Variants in KMT2A observed in about 807,000 individuals in gnomAD.
KMT2A encodes histone-lysine N-methyltransferase 2A.
A neutral mutation model predicts 345.3 loss-of-function variants in KMT2A; 16 were observed. The observed-to-expected ratio is 0.05, with a 90% CI of 0.03 to 0.07. The LOEUF is 0.07. KMT2A is among the 10% of genes least tolerant of loss of function. The probability of loss-of-function intolerance (pLI) is 1.00; values close to 1 mark genes in which losing one functional copy is unlikely to be tolerated. For missense variants in KMT2A, 3,272 were observed against 4,841.6 expected (o/e 0.68, Z 9.62); for synonymous variants, 1,599 against 1,778.6 (o/e 0.90, Z 2.54).
At position 118,506,627 on chromosome 11, in the gene KMT2A, T is replaced by A. The variant is rs972111260; in HGVS notation, c.10735T>A (p.Ser3579Thr). 6.2e-7 allele frequency: 1 copy of A among 1,603,218 alleles called. No individual in the cohort carries two copies. Among genetic ancestry groups the A allele is most frequent in the Non-Finnish European group, 8.5e-7 (1 of 1,173,378 alleles). ...ACACATTCCAGACCAAGAAACGACA[T>A]CCCTGACCTCAGGCACAGGGTGAGA... ...EAHIPDQETTSLTSGTGTPGA... is the reference protein window; with the variant it reads ...EAHIPDQETTTLTSGTGTPGA... Residue 3579 changes from serine (S) to threonine (T), a missense_variant, in exon 27 of 36, where the codon TCC becomes ACC. By Grantham distance (58) the Ser-to-Thr change is moderately conservative. This residue lies in a region of KMT2A where 748 missense variants were observed against 922.2 expected (regional missense o/e 0.81). Coordinates refer to ENST00000534358, the MANE Select transcript of KMT2A (RefSeq NM_001197104.2).
chr11:118,468,700 T>C, intron 1 of KMT2A, 75 bp from the exon 2 acceptor site: 1 of 1,127,792 alleles, frequency 8.9e-7, no homozygotes, highest in East Asian at 2.4e-5. Flanking sequence ...TTGTGTCTCC[T>C]CTGGGCATTT....
intron 1 of KMT2A, chr11:118,438,986 T>C (rs1555139470): frequency 2.1e-6 from 1 of 469,144 alleles, no homozygotes; most frequent in South Asian, 1.5e-5. Flanking sequence ...CTGTAGATTA[T>C]TATTTTTTTT....
chr11:118,500,916 G>A, intron 24 of KMT2A, 71 bp from the exon 25 acceptor site: 4 of 1,248,268 alleles, frequency 3.2e-6, no homozygotes, highest in East Asian at 2.3e-5. Flanking sequence ...GATAAAGAGA[G>A]GTTTTGAAAA....
rs1250028269 is a variant in KMT2A at position 118,475,646 on chromosome 11, C to T, written c.3157-1159C>T. On this transcript the variant is annotated intron_variant, in intron 3 of 35. Transcript: ENST00000534358. ...GCTGAGGCAGGAGAATCGCTTGAAC[C>T]CGGGAGGCGGAGGTTGCAGTGAGCC... is the stretch of plus-strand genomic sequence containing the variant. Among the ~76,000 whole-genome samples the T allele has an allele frequency of 3.3e-5, 5 of 152,096 alleles. 1 individual carries two copies. Among genetic ancestry groups the T allele is most frequent in the African/African-American group, 1.2e-4 (5 of 41,422 alleles).
chr11:118,513,369 A>G (rs1950731310), intron 31 of KMT2A, among the ~76,000 whole-genome samples: 1 of 152,100 alleles, frequency 6.6e-6, no homozygotes, highest in Non-Finnish European at 1.5e-5. Context: ...AGGTGGGTGA[A>G]TGGGTACTTA....
In KMT2A at chr11:118,494,520, AT is replaced by A. The variant is rs1375840248; in HGVS notation, c.5289+125del. On this transcript the variant is annotated intron_variant, in intron 17 of 35. Transcript: ENST00000534358. This position sits in a 1 kb window ranked among gnomAD's most constrained non-coding sequence, Gnocchi z 5.8. ...GTGTGTATAAAACATCTTTGGTTTA[AT>A]TTGATCCCCTGATTCTTTGAGAGGA... 1.1e-5 allele frequency: 9 copies of A among 819,340 alleles called. No homozygotes were observed. Among genetic ancestry groups the A allele is most frequent in the Non-Finnish European group, 1.6e-5 (8 of 506,578 alleles). The allele number at this position is 819,340 out of a possible 1,614,324, so 50.8% of individuals were successfully genotyped here. A position where few individuals can be genotyped will look rare whatever the true frequency, so the allele number is the denominator to read the frequency against.
At chr11:118,488,577 T>A (rs782504650) in intron 10 of KMT2A, 37 bp from the exon 11 acceptor site, 2 of 1,608,250 alleles carry the variant, frequency 1.2e-6, no homozygotes, top group South Asian at 1.1e-5. Context: ...CTACATATTA[T>A]TTGACATACT....
Position 118,502,005 on chromosome 11 carries a change from C to CA in KMT2A, c.6505+149dup. 1 of 684,864 alleles carries CA rather than the reference C, an allele frequency of 1.5e-6. No individual in the cohort carries two copies. Among genetic ancestry groups the CA allele is most frequent in the South Asian group, 2.1e-5 (1 of 46,892 alleles). The allele number at this position is 684,864 out of a possible 1,614,324, so 42.4% of individuals were successfully genotyped here. On this transcript the variant is annotated intron_variant, in intron 26 of 35. Transcript: ENST00000534358. This position sits in a 1 kb window ranked among gnomAD's most constrained non-coding sequence, Gnocchi z 4.9. ...AGGTGGCTCATGCCTGTAATCCTAGCACTTTGGGAGGCCAGGGCAGGTGGA... is the reference window on the plus strand; with the variant it reads ...AGGTGGCTCATGCCTGTAATCCTAGCAACTTTGGGAGGCCAGGGCAGGTGGA...
intron 1 of KMT2A, among the ~76,000 whole-genome samples, chr11:118,462,399 T>C (rs1949762340): frequency 6.6e-6 from 1 of 152,204 alleles, no homozygotes; most frequent in South Asian, 2.1e-4. Flanking sequence ...TGGAGCTCTT[T>C]AACATAACAA....
chr11:118,506,210 A>C lies in KMT2A; in HGVS notation c.10318A>C (p.Ile3440Leu). The C allele has an allele frequency of 6.2e-7, 1 of 1,614,190 alleles. No homozygotes were observed. Among genetic ancestry groups the C allele is most frequent in the Non-Finnish European group, 8.5e-7 (1 of 1,180,030 alleles). ...CVLPSTQTTG[I>L]TAASPSGEAD... Reference sequence around the variant, plus strand: ...GCTCCCCTCCACTCAGACTACGGGCATAACAGCCGCTTCACCTTCTGGGGA... The same window carrying C: ...GCTCCCCTCCACTCAGACTACGGGCCTAACAGCCGCTTCACCTTCTGGGGA... The change falls in exon 27 of 36, where the codon ATA becomes CTA. Residue 3440 changes from isoleucine to leucine, a missense_variant. By Grantham distance (5) the Ile-to-Leu change is conservative (BLOSUM62 2). Transcript: ENST00000534358.
Position 118,493,248 on chromosome 11 carries a change from G to A in KMT2A, c.5178+18G>A. On this transcript the variant is annotated intron_variant, in intron 16 of 35. Coordinates refer to ENST00000534358, the MANE Select transcript of KMT2A (RefSeq NM_001197104.2). This position sits in a 1 kb window ranked among gnomAD's most constrained non-coding sequence, Gnocchi z 5.8. ...CATCTGTGGTATGTTTCTACAGTGA[G>A]CCATCAGAATTTCTAGTGCCAATAA... The A allele has an allele frequency of 6.2e-7, 1 of 1,602,306 alleles. No individual in the cohort carries two copies. The highest frequency in any genetic ancestry group is 1.1e-5 in the South Asian group (1 of 89,032).
intron 5 of KMT2A, among the ~76,000 whole-genome samples, chr11:118,479,903 G>A (rs1269270146): frequency 3.3e-5 from 5 of 152,130 alleles, no homozygotes; most frequent in African/African-American, 9.7e-5. Context: ...TTTCTGTGTG[G>A]TGCTAGTCAG....
chr11:118,491,391 A>G lies in KMT2A; in HGVS notation c.4819+73A>G. 1.4e-6 allele frequency: 2 copies of G among 1,405,176 alleles called. No individual in the cohort carries two copies. The highest frequency in any genetic ancestry group is 1.9e-6 in the Non-Finnish European group (2 of 1,030,498). 87.0% of individuals were successfully genotyped at this position (1,405,176 alleles called of 1,614,324 possible). A position where few individuals can be genotyped will look rare whatever the true frequency, so the allele number is the denominator to read the frequency against. Reference sequence around the variant, plus strand: ...TTTATTAGCCTCTAGAGCACTTTAAACCTAAAATTATGGTTGTGTTGTTAT... The same window carrying G: ...TTTATTAGCCTCTAGAGCACTTTAAGCCTAAAATTATGGTTGTGTTGTTAT... On this transcript the variant is annotated intron_variant, in intron 14 of 35. Coordinates refer to ENST00000534358, the MANE Select transcript of KMT2A (RefSeq NM_001197104.2). This position sits in a 1 kb window ranked among gnomAD's most constrained non-coding sequence, Gnocchi z 4.2.
rs782278331 is a variant in KMT2A at position 118,436,508 on chromosome 11, C to T, written c.-5C>T. 2 of 1,262,042 alleles carry T rather than the reference C, an allele frequency of 1.6e-6. No homozygotes were observed. The highest frequency in any genetic ancestry group is 2.0e-6 in the Non-Finnish European group (2 of 992,798). 78.2% of individuals were successfully genotyped at this position (1,262,042 alleles called of 1,614,324 possible). On this transcript the variant is annotated 5_prime_UTR_variant, in exon 1 of 36. Transcript: ENST00000534358. This position sits in a 1 kb window ranked among gnomAD's most constrained non-coding sequence, Gnocchi z 6.9. Reference sequence around the variant, plus strand: ...CCTCTCGCTGCTTCACTTCACGGGGCGAACATGGCGCACAGCTGTCGGTGG... The same window carrying T: ...CCTCTCGCTGCTTCACTTCACGGGGTGAACATGGCGCACAGCTGTCGGTGG...
chr11:118,485,771 A>T (rs868940152), intron 10 of KMT2A, among the ~76,000 whole-genome samples: 1 of 152,204 alleles, frequency 6.6e-6, no homozygotes. Flanking sequence ...ATCTATAGGG[A>T]GCATGGGTTA....
chr11:118,468,652 T>C lies in KMT2A; in HGVS notation c.433-123T>C, dbSNP rs1266618376. The C allele has an allele frequency of 8.5e-6, 6 of 706,754 alleles. No individual in the cohort carries two copies. In the East Asian group the frequency reaches 1.1e-4, roughly 13 times the overall value. The allele number at this position is 706,754 out of a possible 1,614,324, so 43.8% of individuals were successfully genotyped here. ...TATTTTATAGTATCCATTGGAATGA[T>C]GATAATTAATATATAAAGGCAACTT... On this transcript the variant is annotated intron_variant, in intron 1 of 35. Coordinates refer to ENST00000534358, the MANE Select transcript of KMT2A (RefSeq NM_001197104.2).
chr11:118,439,158 C>CAAAAAAAAAAAAAAGA, intron 1 of KMT2A: 7 of 265,444 alleles, frequency 2.6e-5, no homozygotes, highest in Admixed American at 5.3e-5. Context: ...GATACAGCAG[C>CAAAAAAAAAAAAAAGA]AAAAAAAAAA....
intron 1 of KMT2A, among the ~76,000 whole-genome samples, chr11:118,467,213 C>T (rs1949860082): frequency 6.6e-6 from 1 of 151,888 alleles, no homozygotes; most frequent in Non-Finnish European, 1.5e-5. Context: ...CCTGTCTCTA[C>T]TAAAAATACA....
chr11:118,502,538 A>G lies in KMT2A; in HGVS notation c.6646A>G (p.Met2216Val), dbSNP rs527501404. The G allele has an allele frequency of 2.4e-5, 38 of 1,614,150 alleles. No individual in the cohort carries two copies. Among genetic ancestry groups the G allele is most frequent in the African/African-American group, 1.7e-4 (13 of 75,032 alleles). ...QRSKLRIMSP[M>V]RTGNTYSRNN... is the part of the protein sequence containing the mutation. ...GTCCAAACTCCGGATAATGTCTCCAATGAGAACTGGGAATACTTACTCTAG... is the reference window on the plus strand; with the variant it reads ...GTCCAAACTCCGGATAATGTCTCCAGTGAGAACTGGGAATACTTACTCTAG... The change falls in exon 27 of 36, where the codon ATG (methionine) becomes GTG (valine). Residue 2216 changes from methionine to valine, a missense_variant. Transcript: ENST00000534358. The surrounding 1 kb of genome is among the most constrained non-coding windows in gnomAD (Gnocchi z 4.9).
Sources: allele counts gnomAD v4.1 joint callset (sites outside exome capture counted in the v4.1 genomes callset), GRCh38; gene constraint gnomAD v4.1.1; regional missense constraint gnomAD v4.1.1; non-coding constraint Gnocchi (gnomAD v3.1); transcripts MANE v1.5; gene names NCBI Gene and HGNC (gene_info 2026-07-23, HGNC 2026-07-21).